NRXN1: variants seen among roughly 807,000 people sequenced by gnomAD.
NRXN1 encodes neurexin-1.
A neutral mutation model predicts 150.9 loss-of-function variants in NRXN1; 39 were observed. That is an observed-to-expected ratio of 0.26 (90% CI 0.20 to 0.34). The LOEUF is 0.34. Ranked by LOEUF, NRXN1 falls within the 10% of genes least tolerant of loss-of-function variation. NRXN1 has a pLI of 1.00. For missense variants in NRXN1, 1,815 were observed against 1,949.9 expected (o/e 0.93, Z 1.30); for synonymous variants, 924 against 757.0 (o/e 1.22, Z -3.62).
intron 5 of NRXN1, among the ~76,000 whole-genome samples, chr2:50,634,437 T>C (rs1328231612): frequency 6.6e-6 from 1 of 152,204 alleles, no homozygotes; most frequent in Non-Finnish European, 1.5e-5. Context: ...ATCTATTTTA[T>C]AGGGTAGTTG....
intron 18 of NRXN1, among the ~76,000 whole-genome samples, chr2:50,196,739 G>A (rs2061793091): frequency 6.6e-6 from 1 of 152,094 alleles, no homozygotes; most frequent in South Asian, 2.1e-4. Context: ...AAAAACAAAT[G>A]AGATCATGTC....
intron 19 of NRXN1, among the ~76,000 whole-genome samples, chr2:50,078,627 T>C (rs1697448822): frequency 6.6e-6 from 1 of 152,104 alleles, no homozygotes; most frequent in African/African-American, 2.4e-5. Context: ...GATGTGTCTT[T>C]TTTTGTAATT....
At chr2:50,516,217 T>C (rs1213908544) in intron 12 of NRXN1, among the ~76,000 whole-genome samples, 1 of 152,140 alleles carries the variant, frequency 6.6e-6, no homozygotes, top group African/African-American at 2.4e-5. Flanking sequence ...TGAGAGTCCA[T>C]TGCAAATAAA....
chr2:49,960,618 T>A (rs1359805138), intron 21 of NRXN1, among the ~76,000 whole-genome samples: 1 of 152,170 alleles, frequency 6.6e-6, no homozygotes, highest in Non-Finnish European at 1.5e-5. Context: ...TTGTGGAGTA[T>A]TTCCTTAAAA....
intron 17 of NRXN1, among the ~76,000 whole-genome samples, chr2:50,281,518 C>G (rs2071464498): frequency 6.6e-6 from 1 of 151,706 alleles, no homozygotes; most frequent in Non-Finnish European, 1.5e-5. Context: ...TGTTGAGGCT[C>G]AAATGAGAAA....
chr2:50,976,873 A>ATT (rs1234493474), intron 2 of NRXN1, among the ~76,000 whole-genome samples: 1 of 152,054 alleles, frequency 6.6e-6, no homozygotes, highest in Non-Finnish European at 1.5e-5. Flanking sequence ...TCATATTAAG[A>ATT]TATAGCCAAA....
chr2:50,681,287 G>A (rs1574079521), intron 5 of NRXN1, among the ~76,000 whole-genome samples: 1 of 152,194 alleles, frequency 6.6e-6, no homozygotes, highest in South Asian at 2.1e-4. Context: ...AAGAAGCACA[G>A]ATTATTTGCT....
At chr2:50,228,698 G>T (rs1047221583) in intron 18 of NRXN1, among the ~76,000 whole-genome samples, 1 of 151,918 alleles carries the variant, frequency 6.6e-6, no homozygotes, top group Non-Finnish European at 1.5e-5. Flanking sequence ...AATTAAATTT[G>T]ATCTTTCACC....
intron 5 of NRXN1, among the ~76,000 whole-genome samples, chr2:50,909,143 A>C (rs1405840812): frequency 6.6e-6 from 1 of 152,224 alleles, no homozygotes; most frequent in East Asian, 1.9e-4. Flanking sequence ...GGATAAATTC[A>C]ATAACTATCT....
At chr2:49,979,758 T>A (rs539811898) in intron 21 of NRXN1, among the ~76,000 whole-genome samples, 1 of 152,278 alleles carries the variant, frequency 6.6e-6, no homozygotes, top group East Asian at 1.9e-4. Flanking sequence ...CTTTTTCTCC[T>A]TATAATTGAA....
At chr2:49,962,252 T>A (rs1676099932) in intron 21 of NRXN1, among the ~76,000 whole-genome samples, 1 of 152,208 alleles carries the variant, frequency 6.6e-6, no homozygotes, top group Non-Finnish European at 1.5e-5. Context: ...TGAAGCAACA[T>A]GGATTATCTC....
At chr2:50,101,897 C>T (rs1388587430) in intron 18 of NRXN1, among the ~76,000 whole-genome samples, 1 of 151,984 alleles carries the variant, frequency 6.6e-6, no homozygotes, top group East Asian at 1.9e-4. Flanking sequence ...AAGAGCCCTA[C>T]CTTGAAATGC....
intron 8 of NRXN1, among the ~76,000 whole-genome samples, chr2:50,608,951 T>TA (rs1033194979): frequency 9.2e-5 from 14 of 151,676 alleles, no homozygotes; most frequent in South Asian, 2.1e-4. Flanking sequence ...TACCCATATT[T>TA]AAAAAAAAAT....
At chr2:50,396,699 C>T (rs369652791) in intron 17 of NRXN1, among the ~76,000 whole-genome samples, 10 of 152,238 alleles carry the variant, frequency 6.6e-5, no homozygotes, top group African/African-American at 2.2e-4. Flanking sequence ...TAAAGGGACT[C>T]ACGCACTCTC....
chr2:50,689,854 TTGTGTGTGTGTGTGTGTG>T (rs796892350), intron 5 of NRXN1, among the ~76,000 whole-genome samples: 13 of 135,342 alleles, frequency 9.6e-5, no homozygotes, highest in Non-Finnish European at 1.4e-4. Context: ...TTTTGCTTAT[TTGTGTGTGTGTGTGTGTG>T]TGTGTGTGTG....
intron 8 of NRXN1, among the ~76,000 whole-genome samples, chr2:50,558,035 A>G (rs759104057): frequency 1.8e-4 from 27 of 152,328 alleles, no homozygotes; most frequent in Non-Finnish European, 3.8e-4. Flanking sequence ...TTTCTGTGGT[A>G]TCTAACAACA....
At position 50,818,191 on chromosome 2, in the gene NRXN1, TG is replaced by T. The variant is rs911968984; in HGVS notation, c.832+103677del. Among the ~76,000 whole-genome samples the T allele has an allele frequency of 7.6e-5, 11 of 144,650 alleles. No homozygotes were observed. In the South Asian group the frequency reaches 8.6e-4, roughly 11 times the overall value. The allele number at this position is 144,650 out of a possible 152,430, so 94.9% of individuals were successfully genotyped here. On this transcript the variant is annotated intron_variant, in intron 5 of 22. Transcript: ENST00000401669. ...TACAAAGTCAACATACAAAAACAAT[TG>T]TTTTTTTTTTTATTCCTGAAAAAAA... is the stretch of plus-strand genomic sequence containing the variant.
chr2:50,666,660 A>G (rs1688065981), intron 5 of NRXN1, among the ~76,000 whole-genome samples: 1 of 151,922 alleles, frequency 6.6e-6, no homozygotes, highest in East Asian at 1.9e-4. Flanking sequence ...TGGGATGTTT[A>G]TATGGCTGCT....
intron 17 of NRXN1, among the ~76,000 whole-genome samples, chr2:50,362,572 C>A (rs935872314): frequency 3.9e-5 from 6 of 152,046 alleles, no homozygotes; most frequent in Non-Finnish European, 8.8e-5. Flanking sequence ...AACTACAAAC[C>A]AATGCTCAAG....
Sources: gnomAD v4.1 joint callset for allele counts (sites outside exome capture counted in the v4.1 genomes callset) on GRCh38, gnomAD v4.1.1 for gene constraint, MANE v1.5 for transcripts, NCBI Gene and HGNC (gene_info 2026-07-23, HGNC 2026-07-21) for gene names.